Variants in GALNT13 observed in about 807,000 individuals in gnomAD.
The protein encoded by GALNT13 is UDP-GalNAc:polypeptide N-acetylgalactosaminyltransferase 13.
GALNT13 carries 28 observed loss-of-function variants against 64.2 expected under a neutral mutation model. The observed-to-expected ratio is 0.44, with a 90% CI of 0.32 to 0.60. The LOEUF (loss-of-function observed/expected upper bound fraction) is 0.60. GALNT13 is among the 20% of genes least tolerant of loss of function. GALNT13 has a pLI of 0.05. For missense variants in GALNT13, 577 were observed against 669.8 expected (o/e 0.86, Z 1.53); for synonymous variants, 214 against 224.6 (o/e 0.95, Z 0.42).
At chr2:153,605,717 C>G in the GALNT13 span, among the ~76,000 whole-genome samples, 1 of 152,130 alleles carries the variant, frequency 6.6e-6, no homozygotes, top group African/African-American at 2.4e-5. Flanking sequence ...AAGCTCACTT[C>G]TTTCCACACA....
chr2:153,693,964 C>G, the GALNT13 span, among the ~76,000 whole-genome samples: 1 of 151,842 alleles, frequency 6.6e-6, no homozygotes, highest in Admixed American at 6.6e-5. Context: ...AAAAATTAGC[C>G]GGGCGTGGTG....
At chr2:153,235,098 A>G in the GALNT13 span, among the ~76,000 whole-genome samples, 1 of 152,130 alleles carries the variant, frequency 6.6e-6, no homozygotes, top group Non-Finnish European at 1.5e-5. Flanking sequence ...AACTGAATTA[A>G]TAAACATGTG....
chr2:153,955,850 A>G (rs986645852), intron 3 of GALNT13, among the ~76,000 whole-genome samples: 20 of 152,258 alleles, frequency 1.3e-4, no homozygotes, highest in Middle Eastern at 3.4e-3. Context: ...GCTGACTACA[A>G]TTCCCCTGAC....
At chr2:153,267,065 A>G in the GALNT13 span, among the ~76,000 whole-genome samples, 6 of 152,334 alleles carry the variant, frequency 3.9e-5, no homozygotes, top group Admixed American at 1.3e-4. Context: ...GGCCCCATGC[A>G]AGTTTGAAAC....
chr2:153,373,377 G>T, the GALNT13 span, among the ~76,000 whole-genome samples: 1 of 152,178 alleles, frequency 6.6e-6, no homozygotes, highest in Middle Eastern at 3.4e-3. Context: ...ACAATGCTAA[G>T]ATGTGAAAAC....
At chr2:153,926,101 A>T (rs963035252) in intron 2 of GALNT13, among the ~76,000 whole-genome samples, 2 of 152,074 alleles carry the variant, frequency 1.3e-5, no homozygotes, top group Non-Finnish European at 2.9e-5. Context: ...CACTATTAAT[A>T]GGAGACAACG....
chr2:153,651,396 TG>T, the GALNT13 span, among the ~76,000 whole-genome samples: 1 of 152,168 alleles, frequency 6.6e-6, no homozygotes, highest in Non-Finnish European at 1.5e-5. Context: ...TGTTGTTACT[TG>T]TAACATTGTG....
chr2:154,353,041 G>A (rs950231084), intron 9 of GALNT13, among the ~76,000 whole-genome samples: 1 of 152,228 alleles, frequency 6.6e-6, no homozygotes, highest in Admixed American at 6.5e-5. Flanking sequence ...AAAGTCATGG[G>A]AAGAATATGA....
At chr2:154,175,439 A>C (rs1685592554) in intron 4 of GALNT13, among the ~76,000 whole-genome samples, 1 of 152,178 alleles carries the variant, frequency 6.6e-6, no homozygotes, top group Non-Finnish European at 1.5e-5. Flanking sequence ...CCACATTTCC[A>C]TACAGATACT....
intron 9 of GALNT13, among the ~76,000 whole-genome samples, chr2:154,347,327 A>G (rs147777139): frequency 3.7e-4 from 56 of 152,220 alleles, no homozygotes; most frequent in African/African-American, 1.3e-3. Flanking sequence ...AGATGATGAT[A>G]CCACTTGATC....
the GALNT13 span, among the ~76,000 whole-genome samples, chr2:153,314,251 A>G: frequency 6.6e-6 from 1 of 152,164 alleles, no homozygotes; most frequent in Non-Finnish European, 1.5e-5. Context: ...AGGACAGGTT[A>G]AAAATGAAGA....
At chr2:153,735,566 C>A in the GALNT13 span, among the ~76,000 whole-genome samples, 1 of 152,176 alleles carries the variant, frequency 6.6e-6, no homozygotes, top group African/African-American at 2.4e-5. Flanking sequence ...TTCCACAGAT[C>A]TTGCTCAGGC....
the GALNT13 span, among the ~76,000 whole-genome samples, chr2:153,356,051 A>T: frequency 1.2e-4 from 19 of 152,208 alleles, no homozygotes; most frequent in Non-Finnish European, 2.2e-4. Flanking sequence ...AGGATATTCA[A>T]ATTAATTCAT....
the GALNT13 span, among the ~76,000 whole-genome samples, chr2:153,703,701 T>C: frequency 6.6e-6 from 1 of 152,168 alleles, no homozygotes; most frequent in Non-Finnish European, 1.5e-5. Flanking sequence ...TGTTTAGCCT[T>C]ATCAAACCAA....
chr2:154,197,430 T>C (rs2105770872), intron 4 of GALNT13, among the ~76,000 whole-genome samples: 1 of 152,226 alleles, frequency 6.6e-6, no homozygotes, highest in East Asian at 1.9e-4. Flanking sequence ...GATGGACTTT[T>C]CAATCAACTG....
At chr2:154,086,645 G>A (rs1701542563) in intron 3 of GALNT13, among the ~76,000 whole-genome samples, 1 of 151,702 alleles carries the variant, frequency 6.6e-6, no homozygotes, top group Admixed American at 6.6e-5. Context: ...TTTCATTTTG[G>A]TGATACTTTA....
At chr2:153,557,317 A>T in the GALNT13 span, among the ~76,000 whole-genome samples, 11 of 152,318 alleles carry the variant, frequency 7.2e-5, no homozygotes, top group African/African-American at 1.9e-4. Flanking sequence ...AAGTTTGTGT[A>T]ACTATACTCT....
the GALNT13 span, among the ~76,000 whole-genome samples, chr2:153,141,037 C>A: frequency 6.8e-6 from 1 of 147,070 alleles, no homozygotes; most frequent in East Asian, 2.0e-4. Flanking sequence ...CTCTGTCCAT[C>A]CCCTGTCAAA....
At chr2:154,345,562 A>C (rs1696025210) in intron 9 of GALNT13, among the ~76,000 whole-genome samples, 1 of 152,088 alleles carries the variant, frequency 6.6e-6, no homozygotes, top group Non-Finnish European at 1.5e-5. Flanking sequence ...ATTTAAATGT[A>C]ATTATTCGGA....
Sources: gnomAD v4.1 joint callset for allele counts (sites outside exome capture counted in the v4.1 genomes callset) on GRCh38, gnomAD v4.1.1 for gene constraint, MANE v1.5 for transcripts, NCBI Gene and HGNC (gene_info 2026-07-23, HGNC 2026-07-21) for gene names.